The following NBPF8 variants were observed in gnomAD, a reference collection of about 807,000 sequenced individuals.
NBPF8 encodes NBPF family member NBPF8.
rs145388698 is a variant in NBPF8 at position 120,428,315 on chromosome 1, G to A, written n.510+468G>A. Among the ~76,000 whole-genome samples, 976 of 152,264 alleles carry A rather than the reference G, an allele frequency of 6.4e-3. 63 individuals carry two copies. In the East Asian group the frequency reaches 0.15, roughly 23 times the overall value. ...GTAGACAAAGGTTTTTCAACTGGAC[G>A]CCTTAGGATACATGCTTGCAAAAAC... On this transcript the variant is annotated intron_variant and non_coding_transcript_variant, in intron 3 of 28. Transcript: ENST00000652355.
upstream of NBPF8, among the ~76,000 whole-genome samples, chr1:120,434,575 C>A (rs1474499360): frequency 0.017 from 2,544 of 151,280 alleles, 70 homozygotes; most frequent in African/African-American, 0.057. Context: ...TCTCATTGTT[C>A]AGTTCCCACC....
chr1:120,420,945 T>C (rs1159980885), intron 1 of NBPF8, among the ~76,000 whole-genome samples: 1 of 143,484 alleles, frequency 7.0e-6, no homozygotes, highest in Non-Finnish European at 1.5e-5. Flanking sequence ...CACCAGGTCC[T>C]GGGGGAGTGG....
chr1:120,454,176 G>A (rs1319114056), intron 15 of NBPF8, 62 bp downstream of exon 13: 8 of 1,498,316 alleles, frequency 5.3e-6, no homozygotes, highest in African/African-American at 1.4e-5. Flanking sequence ...AAACTCTGAA[G>A]ACAGGCTCTA....
chr1:120,464,321 T>C (rs1453664267), intron 22 of NBPF8, 55 bp from the exon 21 acceptor site: 418,200 of 673,896 alleles, frequency 0.62, 147,972 homozygotes, highest in African/African-American at 0.89. Context: ...CTATTTGGGG[T>C]TCTGTTGTGT....
chr1:120,466,191 C>A, exon 25 of NBPF8: 1 of 1,609,086 alleles, frequency 6.2e-7, no homozygotes, highest in South Asian at 1.1e-5. Flanking sequence ...TCTATCTGGT[C>A]TTCCAGATGG....
intron 3 of NBPF8, among the ~76,000 whole-genome samples, chr1:120,430,355 A>ATTAT (rs1251251926): frequency 7.0e-6 from 1 of 142,096 alleles, no homozygotes; most frequent in Non-Finnish European, 1.5e-5. Context: ...AGCTCTCAAT[A>ATTAT]TAAGTGGTCT....
At chr1:120,466,176 A>T (rs1469608721) in exon 25 of NBPF8, 8 of 1,609,594 alleles carry the variant, frequency 5.0e-6, no homozygotes, top group Non-Finnish European at 6.8e-6. Context: ...TGACGGTGAC[A>T]AGTCTCTATC....
chr1:120,434,207 C>G (rs1193254571), upstream of NBPF8, among the ~76,000 whole-genome samples: 2 of 148,214 alleles, frequency 1.3e-5, no homozygotes, highest in Non-Finnish European at 3.0e-5. Context: ...GCCCTCGCTC[C>G]GCCACTTAAA....
At chr1:120,423,127 T>C (rs1660618099) in intron 1 of NBPF8, among the ~76,000 whole-genome samples, 2 of 136,688 alleles carry the variant, frequency 1.5e-5, no homozygotes, top group South Asian at 2.2e-4. Context: ...TTTTTAATTT[T>C]AATGAGGCTC....
At chr1:120,428,657 G>A (rs1660787688) in intron 3 of NBPF8, among the ~76,000 whole-genome samples, 1 of 152,130 alleles carries the variant, frequency 6.6e-6, no homozygotes, top group East Asian at 1.9e-4. Context: ...AGTGGCTGAT[G>A]CTGCCCCTGA....
At chr1:120,415,600 C>CA (rs1424991853), upstream of NBPF8, among the ~76,000 whole-genome samples, 1 of 152,188 alleles carries the variant, frequency 6.6e-6, no homozygotes, top group Non-Finnish European at 1.5e-5. Context: ...CCTGACCCCG[C>CA]ACCCCACCCT....
At chr1:120,431,336 ATATTTAT>A (rs1660869789) in intron 3 of NBPF8, among the ~76,000 whole-genome samples, 2 of 97,024 alleles carry the variant, frequency 2.1e-5, no homozygotes, top group African/African-American at 1.0e-4. Flanking sequence ...ATATATATAT[ATATTTAT>A]CATCTCCAAA....
chr1:120,464,468 A>G, exon 23 of NBPF8: 2 of 949,912 alleles, frequency 2.1e-6, no homozygotes, highest in South Asian at 2.6e-5. Flanking sequence ...TGTCTTGAAC[A>G]GCCTGACTCC....
At chr1:120,456,810 TGTTA>T (rs1661449664) in intron 16 of NBPF8, among the ~76,000 whole-genome samples, 1 of 151,768 alleles carries the variant, frequency 6.6e-6, no homozygotes, top group African/African-American at 2.4e-5. Flanking sequence ...GTCGTTATGA[TGTTA>T]GCTGGTTATT....
At chr1:120,416,605 C>CA (rs1160932917), upstream of NBPF8, among the ~76,000 whole-genome samples, 213 of 24,184 alleles carry the variant, frequency 8.8e-3, 1 homozygote, top group Middle Eastern at 0.11. Flanking sequence ...ACCCTGTCTC[C>CA]AAAAAAAAAA....
At chr1:120,466,301 T>C (rs1268033760) in exon 25 of NBPF8, 52 of 1,568,170 alleles carry the variant, frequency 3.3e-5, no homozygotes, top group Non-Finnish European at 4.5e-5. Context: ...AAACTATAGT[T>C]CCATTTGGAA....
At chr1:120,466,194 C>A in exon 25 of NBPF8, 1 of 1,609,294 alleles carries the variant, frequency 6.2e-7, no homozygotes, top group Non-Finnish European at 8.5e-7. Flanking sequence ...ATCTGGTCTT[C>A]CAGATGGGAG....
At chr1:120,436,603 G>A in exon 1 of NBPF8, 1 of 1,608,128 alleles carries the variant, frequency 6.2e-7, no homozygotes, top group East Asian at 2.2e-5. Context: ...TGCGCCCCCA[G>A]TTGGCAGAGA....
chr1:120,431,063 T>C (rs1206286139), intron 3 of NBPF8, among the ~76,000 whole-genome samples: 2 of 149,062 alleles, frequency 1.3e-5, no homozygotes, highest in African/African-American at 4.9e-5. Context: ...AGAATAATGG[T>C]GAATGAATTC....
Sources: allele counts gnomAD v4.1 joint callset (sites outside exome capture counted in the v4.1 genomes callset), GRCh38; gene constraint gnomAD v4.1.1; transcripts MANE v1.5; gene names NCBI Gene and HGNC (gene_info 2026-07-23, HGNC 2026-07-21).